KIF17: variants seen among roughly 807,000 people sequenced by gnomAD.
The protein encoded by KIF17 is kinesin family member 17.
In KIF17, 80 loss-of-function variants were observed where a neutral mutation model predicts 96.8. The observed-to-expected ratio is 0.83, with a 90% CI of 0.69 to 1.00. The LOEUF (loss-of-function observed/expected upper bound fraction) is 1.00, where lower values mean the gene tolerates loss of function less well. Ranked by LOEUF, KIF17 falls within the 50% of genes least tolerant of loss-of-function variation. The pLI is 0.00. For synonymous variants in KIF17, 567 were observed against 587.5 expected, an observed-to-expected ratio of 0.97 and a Z score of 0.51; for missense variants, 1,280 against 1,372.9, an observed-to-expected ratio of 0.93 and a Z score of 1.07.
In KIF17 at chr1:20,666,298, T is replaced by A. The variant is rs918800612; in HGVS notation, c.2824A>T (p.Ser942Cys). The change falls in exon 14 of 15, where the codon AGC (serine) becomes TGC (cysteine). Residue 942 changes from serine to cysteine, a missense_variant. Ser to Cys is a moderately radical substitution (Grantham distance 112). Coordinates refer to ENST00000400463, the MANE Select transcript of KIF17 (RefSeq NM_001122819.3). ...DDRYRLMLSR[S>C]NSENIASNYF... ...TTGCTGGCAATGTTTTCACTGTTGC[T>A]CCGACTGAGCATGAGCCTGTAGCGG... 10 of 1,614,050 alleles carry A rather than the reference T, an allele frequency of 6.2e-6. No individual in the cohort carries two copies. The African/African-American group carries it at 1.2e-4, about 19-fold the overall frequency.
intron 3 of KIF17, among the ~76,000 whole-genome samples, chr1:20,712,707 C>CTA (rs796259872): frequency 3.0e-5 from 1 of 33,090 alleles, no homozygotes; most frequent in Non-Finnish European, 5.9e-5. Context: ...ATAATATTAT[C>CTA]TATATATAAA....
At chr1:20,668,682 T>C (rs2053578655) in intron 13 of KIF17, among the ~76,000 whole-genome samples, 1 of 152,184 alleles carries the variant, frequency 6.6e-6, no homozygotes, top group African/African-American at 2.4e-5. Context: ...TTTTCTGAAA[T>C]ATTTGTAATG....
rs1013323046 is a variant in KIF17 at position 20,715,620 on chromosome 1, T to C, written c.251A>G (p.Asn84Ser). The C allele has an allele frequency of 1.2e-6, 2 of 1,613,238 alleles. No homozygotes were observed. Among genetic ancestry groups the C allele is most frequent in the Non-Finnish European group, 1.7e-6 (2 of 1,179,688 alleles). ...PLVEGVTEGY[N>S]GTIFAYGQTG... ...CTGGCCGTAGGCAAAGATGGTGCCA[T>C]TGTAGCCCTCAGTGACGCCCTGCAT... The change falls in exon 2 of 15, where the codon AAT becomes AGT. Residue 84 changes from asparagine to serine, a missense_variant. By Grantham distance (46) the Asn-to-Ser change is conservative. Transcript: ENST00000400463.
chr1:20,712,936 A>ATAATATATCT (rs1557607299), intron 3 of KIF17, among the ~76,000 whole-genome samples: 19 of 114,422 alleles, frequency 1.7e-4, no homozygotes, highest in Non-Finnish European at 2.6e-4. Flanking sequence ...TATTATCTAT[A>ATAATATATCT]ATATTATCTA....
intron 6 of KIF17, among the ~76,000 whole-genome samples, chr1:20,697,586 GACA>G (rs1205498976): frequency 1.3e-5 from 2 of 152,332 alleles, no homozygotes; most frequent in East Asian, 1.9e-4. Flanking sequence ...CAGCCTGGGT[GACA>G]ACAAGACGCT....
At position 20,664,392 on chromosome 1, in the gene KIF17, G is replaced by A. The variant is rs893177238; in HGVS notation, c.*192C>T. 17 of 1,486,070 alleles carry A rather than the reference G, an allele frequency of 1.1e-5. No homozygotes were observed. In the Admixed American group the frequency reaches 1.5e-4, roughly 13 times the overall value. 92.1% of individuals were successfully genotyped at this position (1,486,070 alleles called of 1,614,324 possible). On this transcript the variant is annotated 3_prime_UTR_variant, in exon 15 of 15. Coordinates refer to ENST00000400463, the MANE Select transcript of KIF17 (RefSeq NM_001122819.3). ...CTCTAAGGAGGACTATACAGCCTCC[G>A]AGGGGCTCCTGCCCAGGGCGGAGGT...
rs762538762 is a variant in KIF17, at chr1:20,685,218, C to T, written c.2020-198G>A. 41 of 698,528 alleles carry T rather than the reference C, an allele frequency of 5.9e-5. No individual in the cohort carries two copies. Among genetic ancestry groups the T allele is most frequent in the Non-Finnish European group, 9.4e-5 (36 of 381,120 alleles). The allele number at this position is 698,528 out of a possible 1,614,324, so 43.3% of individuals were successfully genotyped here. A position where few individuals can be genotyped will look rare whatever the true frequency, so the allele number is the denominator to read the frequency against. On this transcript the variant is annotated intron_variant, in intron 9 of 14. Transcript: ENST00000400463. This position sits in a 1 kb window ranked among gnomAD's most constrained non-coding sequence, Gnocchi z 4.1. ...GCCGCTATTCCCACTGACACCCCCA[C>T]GCTAGGAGGAAGGCTCCCAGCTTCC... is the stretch of plus-strand genomic sequence containing the variant.
chr1:20,715,579 A>ACTTC lies in KIF17; in HGVS notation c.288_291dup (p.Ser98GlufsTer36). 1 of 1,613,238 alleles carries ACTTC rather than the reference A, an allele frequency of 6.2e-7. No homozygotes were observed. Among genetic ancestry groups the ACTTC allele is most frequent in the Non-Finnish European group, 8.5e-7 (1 of 1,179,676 alleles). Reference sequence around the variant, plus strand: ...TCCGGCAGGCCCTGCATGGTGAAGGACTTCCCGCTGCCTGTCTGGCCGTAG... The same window carrying ACTTC: ...TCCGGCAGGCCCTGCATGGTGAAGGACTTCCTTCCCGCTGCCTGTCTGGCCGTAG... On this transcript the variant is annotated frameshift_variant, in exon 2 of 15. Coordinates refer to ENST00000400463, the MANE Select transcript of KIF17 (RefSeq NM_001122819.3). LOFTEE classifies it high-confidence loss of function.
intron 5 of KIF17, among the ~76,000 whole-genome samples, chr1:20,701,430 C>G (rs1367037268): frequency 6.6e-6 from 1 of 150,726 alleles, no homozygotes; most frequent in Non-Finnish European, 1.5e-5. Context: ...GACTCCGTCT[C>G]AAAAAAAAAG....
Position 20,717,901 on chromosome 1 carries a change from C to G in KIF17, c.-195G>C, listed in dbSNP as rs2054614108. ...GAGCTGGGCGTCGCAGGACCCGAGC[C>G]GGGGCCGCCGCTTCCTCCCGCGCCC... On this transcript the variant is annotated 5_prime_UTR_variant, in exon 1 of 15. Transcript: ENST00000400463. 3.8e-6 allele frequency: 1 copy of G among 259,796 alleles called. No homozygotes were observed. Among genetic ancestry groups the G allele is most frequent in the African/African-American group, 2.3e-5 (1 of 43,628 alleles). The allele number at this position is 259,796 out of a possible 1,614,324, so 16.1% of individuals were successfully genotyped here.
chr1:20,661,670 C>T, downstream of KIF17: 1 of 456,128 alleles, frequency 2.2e-6, no homozygotes, highest in Non-Finnish European at 3.9e-6. Flanking sequence ...TCCGCCCAGG[C>T]CGGCCTCCCG....
At chr1:20,683,921 C>A (rs796156479) in intron 10 of KIF17, among the ~76,000 whole-genome samples, 5 of 151,708 alleles carry the variant, frequency 3.3e-5, no homozygotes, top group African/African-American at 1.2e-4. Context: ...GAAGGCCCCC[C>A]AGCCTTCCCT....
At chr1:20,696,387 A>C (rs2054139654) in intron 6 of KIF17, among the ~76,000 whole-genome samples, 1 of 152,154 alleles carries the variant, frequency 6.6e-6, no homozygotes, top group African/African-American at 2.4e-5. Flanking sequence ...AGACATCTTC[A>C]ACGCTTCCTC....
At chr1:20,710,807 T>C (rs2054422281) in intron 3 of KIF17, among the ~76,000 whole-genome samples, 1 of 152,124 alleles carries the variant, frequency 6.6e-6, no homozygotes, top group South Asian at 2.1e-4. Context: ...GGGACTGGGC[T>C]TCATGGAATA....
intron 6 of KIF17, among the ~76,000 whole-genome samples, chr1:20,691,071 C>CTGGT (rs2054031938): frequency 6.6e-6 from 1 of 151,636 alleles, no homozygotes; most frequent in Non-Finnish European, 1.5e-5. Flanking sequence ...GAAGCTGAGG[C>CTGGT]AGATCGCTTG....
Position 20,704,296 on chromosome 1 carries a change from AACCAGGGCC to A in KIF17, c.1123+142_1123+150del. The A allele has an allele frequency of 2.1e-5, 14 of 674,050 alleles. 1 individual carries two copies. Among genetic ancestry groups the A allele is most frequent in the Middle Eastern group, 3.9e-4 (1 of 2,586 alleles). 41.8% of individuals were successfully genotyped at this position (674,050 alleles called of 1,614,324 possible). ...AGCAGATACCATCTGGGCCGTCTCC[AACCAGGGCC>A]CTGCGCTCACATGGGGCTGAGGGGT... On this transcript the variant is annotated intron_variant, in intron 5 of 14. Coordinates refer to ENST00000400463, the MANE Select transcript of KIF17 (RefSeq NM_001122819.3). This position sits in a 1 kb window ranked among gnomAD's most constrained non-coding sequence, Gnocchi z 6.8.
At chr1:20,717,203 C>T (rs2054592879) in intron 1 of KIF17, 2 of 512,850 alleles carry the variant, frequency 3.9e-6, no homozygotes, top group East Asian at 3.6e-5. Flanking sequence ...GTGGCAGGCA[C>T]CTGTAATCCC....
At chr1:20,664,829 T>A in intron 14 of KIF17, 67 bp from the exon 15 acceptor site, 2 of 1,451,086 alleles carry the variant, frequency 1.4e-6, no homozygotes, top group Non-Finnish European at 1.9e-6. Flanking sequence ...ATGCCCCAAG[T>A]GGGTAGGATG....
At position 20,671,919 on chromosome 1, in the gene KIF17, G is replaced by T; in HGVS notation, c.2722+19C>A. The T allele has an allele frequency of 6.2e-7, 1 of 1,610,660 alleles. No homozygotes were observed. On this transcript the variant is annotated intron_variant, in intron 12 of 14. Transcript: ENST00000400463. ...CGTGAAGGAGGGAGGGGAGGGCAAGGGCCAGCCAAGCTCCTGACCTACTGG... is the reference window on the plus strand; with the variant it reads ...CGTGAAGGAGGGAGGGGAGGGCAAGTGCCAGCCAAGCTCCTGACCTACTGG...
Sources: gnomAD v4.1 joint callset for allele counts (sites outside exome capture counted in the v4.1 genomes callset) on GRCh38, gnomAD v4.1.1 for gene constraint, Gnocchi (gnomAD v3.1) non-coding constraint, MANE v1.5 for transcripts, NCBI Gene and HGNC (gene_info 2026-07-23, HGNC 2026-07-21) for gene names.